KYAT1: variants seen among roughly 807,000 people sequenced by gnomAD.
KYAT1 encodes kynurenine aminotransferase 1.
KYAT1 carries 47 observed loss-of-function variants against 52.4 expected under a neutral mutation model. The observed-to-expected ratio is 0.90, with a 90% CI of 0.71 to 1.14. KYAT1 has a LOEUF of 1.14. Among genes scored for constraint, KYAT1 ranks in the 50% most tolerant of loss-of-function variants. The probability of loss-of-function intolerance (pLI) is 0.00; values close to 1 mark genes in which losing one functional copy is unlikely to be tolerated. For missense variants in KYAT1, 480 were observed against 557.9 expected, an observed-to-expected ratio of 0.86 and a Z score of 1.41; for synonymous variants, 212 against 209.6, an observed-to-expected ratio of 1.01 and a Z score of -0.10.
intron 1 of KYAT1, among the ~76,000 whole-genome samples, chr9:128,867,997 T>A (rs1240085210): frequency 6.6e-6 from 1 of 152,042 alleles, no homozygotes; most frequent in African/African-American, 2.4e-5. Context: ...ATGGTCTCGA[T>A]CTCCTGACCT....
chr9:128,865,340 TATATATATATATATA>T (rs1836157845), intron 1 of KYAT1, among the ~76,000 whole-genome samples: 6 of 2,214 alleles, frequency 2.7e-3, no homozygotes, highest in South Asian at 0.018. Flanking sequence ...TATATATATA[TATATATATATATATA>T]TATATTTTTT....
intron 1 of KYAT1, among the ~76,000 whole-genome samples, chr9:128,868,880 A>C (rs914412248): frequency 6.6e-6 from 1 of 151,340 alleles, no homozygotes; most frequent in African/African-American, 2.4e-5. Context: ...TAAGTTTTGT[A>C]TTTTTAGTAG....
chr9:128,880,737 C>T (rs957801203), intron 1 of KYAT1, among the ~76,000 whole-genome samples: 1 of 152,080 alleles, frequency 6.6e-6, no homozygotes, highest in African/African-American at 2.4e-5. Context: ...CCACCGCGCC[C>T]GGCCCTGGCT....
In KYAT1 at chr9:128,833,835, G is replaced by A; in HGVS notation, c.1123-9C>T. On this transcript the variant is annotated splice_polypyrimidine_tract_variant and intron_variant, in intron 11 of 12. Transcript: ENST00000302586. ...GGGATGGCCACCAAGCCCTGGGGAG[G>A]AGGAAGGACATGTCTCAACACGGCC... The A allele has an allele frequency of 6.2e-7, 1 of 1,612,814 alleles. No individual in the cohort carries two copies. Among genetic ancestry groups the A allele is most frequent in the Non-Finnish European group, 8.5e-7 (1 of 1,178,832 alleles).
At chr9:128,876,734 T>C (rs530844352) in intron 1 of KYAT1, among the ~76,000 whole-genome samples, 3 of 149,158 alleles carry the variant, frequency 2.0e-5, no homozygotes, top group South Asian at 2.1e-4. Context: ...TTTTTTTTTT[T>C]CTTGAGATAG....
chr9:128,851,782 C>T (rs540922146), intron 1 of KYAT1, among the ~76,000 whole-genome samples: 3 of 152,278 alleles, frequency 2.0e-5, no homozygotes, highest in South Asian at 2.1e-4. Context: ...GTAGCAGAGC[C>T]GGTAATGGCT....
chr9:128,853,807 G>T (rs1375842645), intron 1 of KYAT1, among the ~76,000 whole-genome samples: 2 of 152,172 alleles, frequency 1.3e-5, no homozygotes, highest in Non-Finnish European at 2.9e-5. Flanking sequence ...GTACAACATT[G>T]TACTCAGTGT....
At chr9:128,871,390 A>G (rs1250867943) in intron 1 of KYAT1, among the ~76,000 whole-genome samples, 1 of 151,942 alleles carries the variant, frequency 6.6e-6, no homozygotes, top group Non-Finnish European at 1.5e-5. Flanking sequence ...CTCTATTTGC[A>G]TTTTTTTTAA....
intron 1 of KYAT1, among the ~76,000 whole-genome samples, chr9:128,863,971 C>A (rs973879726): frequency 6.6e-6 from 1 of 152,118 alleles, no homozygotes; most frequent in African/African-American, 2.4e-5. Flanking sequence ...CAGGCCTTCC[C>A]TAGTCAGCTC....
intron 1 of KYAT1, among the ~76,000 whole-genome samples, chr9:128,863,938 C>T (rs1007663723): frequency 2.6e-5 from 4 of 152,106 alleles, no homozygotes; most frequent in Non-Finnish European, 4.4e-5. Context: ...CAATGCCCTG[C>T]GCCTCACCCC....
At chr9:128,868,802 T>G (rs1836797650) in intron 1 of KYAT1, among the ~76,000 whole-genome samples, 1 of 150,790 alleles carries the variant, frequency 6.6e-6, no homozygotes, top group Admixed American at 6.6e-5. Flanking sequence ...GCCTCTGGGA[T>G]TCAAGCGATT....
In KYAT1 at chr9:128,870,856, T is replaced by C. The variant is rs538478731; in HGVS notation, c.-7+11041A>G. Among the ~76,000 whole-genome samples the C allele has an allele frequency of 4.3e-4, 65 of 151,678 alleles. 1 individual carries two copies. The highest frequency in any genetic ancestry group is 1.5e-3 in the African/African-American group (62 of 41,316). ...ATAAAGTTTTGAAACTACAGTGACATAATGTTTGTACAACATTGTGAATGC... is the reference window on the plus strand; with the variant it reads ...ATAAAGTTTTGAAACTACAGTGACACAATGTTTGTACAACATTGTGAATGC... On this transcript the variant is annotated intron_variant, in intron 1 of 12. Transcript: ENST00000302586.
chr9:128,878,908 G>A (rs959865782), intron 1 of KYAT1, among the ~76,000 whole-genome samples: 8 of 152,204 alleles, frequency 5.3e-5, no homozygotes, highest in African/African-American at 9.7e-5. Flanking sequence ...TACAGGTGGG[G>A]AAACTGAGGC....
At chr9:128,871,249 T>A (rs1837188318) in intron 1 of KYAT1, among the ~76,000 whole-genome samples, 2 of 152,034 alleles carry the variant, frequency 1.3e-5, no homozygotes, top group African/African-American at 4.8e-5. Flanking sequence ...GCCCAGAAGG[T>A]TGAGGCTGCA....
intron 1 of KYAT1, among the ~76,000 whole-genome samples, chr9:128,849,909 G>A (rs1191409954): frequency 2.6e-5 from 3 of 115,792 alleles, no homozygotes; most frequent in African/African-American, 9.4e-5. Flanking sequence ...TTTTGAGATA[G>A]GGTCTCACGT....
At chr9:128,842,880 C>A (rs985200925) in intron 2 of KYAT1, 79 bp from the exon 3 acceptor site, 1 of 1,475,628 alleles carries the variant, frequency 6.8e-7, no homozygotes, top group African/African-American at 1.4e-5. Context: ...AAAAACTGGA[C>A]AACCGGCCAG....
chr9:128,837,813 C>T lies in KYAT1; in HGVS notation c.439G>A (p.Gly147Ser), dbSNP rs754959504. 2 of 1,613,872 alleles carry T rather than the reference C, an allele frequency of 1.2e-6. No individual in the cohort carries two copies. The highest frequency in any genetic ancestry group is 1.7e-6 in the Non-Finnish European group (2 of 1,179,974). ...CCCAGTTCTCCATTCTGGATGGGACCCTGCAAGAGCAGGTGGCATGGGGTG... is the reference window on the plus strand; with the variant it reads ...CCCAGTTCTCCATTCTGGATGGGACTCTGCAAGAGCAGGTGGCATGGGGTG... Reference protein sequence around the residue: ...GRPVFVSLKPGPIQNGELGSS... With the variant: ...GRPVFVSLKPSPIQNGELGSS... Residue 147 changes from glycine to serine, a missense_variant and splice_region_variant, in exon 6 of 13, where the codon GGT (glycine) becomes AGT (serine). Gly to Ser is a moderately conservative substitution (Grantham distance 56). Transcript: ENST00000302586.
At chr9:128,846,903 C>T in intron 1 of KYAT1, 1 of 1,491,898 alleles carries the variant, frequency 6.7e-7, no homozygotes, top group East Asian at 2.5e-5. Context: ...TGCTCAGTTC[C>T]ACCTCGCTCA....
Position 128,837,768 on chromosome 9 carries a change from G to A in KYAT1, c.484C>T (p.Leu162=). The change falls in exon 6 of 13, where the codon CTG becomes TTG. Residue 162 remains leucine (L), a synonymous_variant. Transcript: ENST00000302586. ...GELGSSSNWQ[L]DPMELAGKFT... is the part of the protein sequence containing the mutation. ...TTGCCGGCCAGCTCCATGGGGTCCA[G>A]CTGCCAGTTGCTGCTGGAACCCAGT... 2 of 1,614,026 alleles carry A rather than the reference G, an allele frequency of 1.2e-6. No individual in the cohort carries two copies. Among genetic ancestry groups the A allele is most frequent in the Non-Finnish European group, 1.7e-6 (2 of 1,179,932 alleles).
Sources: allele counts gnomAD v4.1 joint callset (sites outside exome capture counted in the v4.1 genomes callset), GRCh38; gene constraint gnomAD v4.1.1; transcripts MANE v1.5; gene names NCBI Gene and HGNC (gene_info 2026-07-23, HGNC 2026-07-21).